Variants in GPC6 observed in about 807,000 individuals in gnomAD.
The protein encoded by GPC6 is glypican 6.
In GPC6, 14 loss-of-function variants were observed where a neutral mutation model predicts 55.2. The observed-to-expected ratio is 0.25, with a 90% confidence interval of 0.17 to 0.40. GPC6 has a LOEUF of 0.40. Among genes scored for constraint, GPC6 ranks in the 10% least tolerant of loss-of-function variants. GPC6 has a pLI of 1.00. For synonymous variants in GPC6, 278 were observed against 259.6 expected (o/e 1.07, Z -0.68); for missense variants, 641 against 708.5 (o/e 0.90, Z 1.08).
At chr13:93,607,283 A>C (rs544776763) in intron 2 of GPC6, among the ~76,000 whole-genome samples, 98 of 152,340 alleles carry the variant, frequency 6.4e-4, no homozygotes, top group African/African-American at 2.3e-3. Flanking sequence ...CTTTGGGAGC[A>C]AAAATAACTG....
intron 4 of GPC6, among the ~76,000 whole-genome samples, chr13:94,142,577 A>G (rs1463534466): frequency 6.6e-6 from 1 of 152,208 alleles, no homozygotes; most frequent in African/African-American, 2.4e-5. Flanking sequence ...AATGGAGAAG[A>G]GAACTTTTTA....
At chr13:94,041,626 C>T (rs1345349236) in intron 4 of GPC6, among the ~76,000 whole-genome samples, 4 of 151,682 alleles carry the variant, frequency 2.6e-5, no homozygotes, top group Admixed American at 6.6e-5. Flanking sequence ...CTTTTCTGGA[C>T]GATCACTTAA....
intron 2 of GPC6, among the ~76,000 whole-genome samples, chr13:93,728,560 C>CTTAT (rs71272211): frequency 0.2 from 30,127 of 149,190 alleles, 3,695 homozygotes; most frequent in Non-Finnish European, 0.27. Context: ...CTTATGTTAT[C>CTTAT]TTATTTATTT....
chr13:94,342,323 G>A (rs1474438633), intron 6 of GPC6, among the ~76,000 whole-genome samples: 1 of 152,162 alleles, frequency 6.6e-6, no homozygotes, highest in Non-Finnish European at 1.5e-5. Context: ...CCAATAGGTC[G>A]CATAGGAATA....
chr13:93,952,867 T>TG (rs1282415067), intron 3 of GPC6, among the ~76,000 whole-genome samples: 11 of 109,116 alleles, frequency 1.0e-4, no homozygotes, highest in East Asian at 3.6e-4. Flanking sequence ...TATATATGTA[T>TG]ATATATACAT....
At chr13:94,396,905 G>A (rs903876990) in intron 7 of GPC6, among the ~76,000 whole-genome samples, 2 of 152,146 alleles carry the variant, frequency 1.3e-5, no homozygotes, top group Non-Finnish European at 2.9e-5. Context: ...TATTAGCTCT[G>A]TGACTTTGCA....
chr13:94,243,402 A>T (rs1211832076), intron 4 of GPC6, among the ~76,000 whole-genome samples: 1 of 152,072 alleles, frequency 6.6e-6, no homozygotes, highest in Non-Finnish European at 1.5e-5. Flanking sequence ...TGCTTCCAGA[A>T]AAAAAATCAC....
At chr13:93,652,264 A>G (rs191599527) in intron 2 of GPC6, among the ~76,000 whole-genome samples, 4 of 152,278 alleles carry the variant, frequency 2.6e-5, no homozygotes, top group Middle Eastern at 3.4e-3. Context: ...TTTTTATAAT[A>G]TTAATTTGGT....
intron 2 of GPC6, among the ~76,000 whole-genome samples, chr13:93,713,245 G>A (rs1883135272): frequency 6.6e-6 from 1 of 151,564 alleles, no homozygotes; most frequent in African/African-American, 2.4e-5. Flanking sequence ...AGTGAGCAAA[G>A]TAGTAAACTC....
At chr13:93,918,260 T>C (rs764527293) in intron 3 of GPC6, among the ~76,000 whole-genome samples, 5 of 152,152 alleles carry the variant, frequency 3.3e-5, no homozygotes, top group African/African-American at 4.8e-5. Context: ...GACTTCAAGA[T>C]TTATTTATCA....
intron 1 of GPC6, among the ~76,000 whole-genome samples, chr13:93,332,261 CT>C (rs202196621): frequency 0.18 from 22,983 of 129,566 alleles, 1,417 homozygotes; most frequent in East Asian, 0.39. Context: ...TTCTGTTTTT[CT>C]TTTTTTTTTT....
intron 4 of GPC6, among the ~76,000 whole-genome samples, chr13:94,273,675 C>T (rs576415540): frequency 1.9e-4 from 29 of 152,254 alleles, no homozygotes; most frequent in African/African-American, 6.5e-4. Context: ...AGAGCAGATA[C>T]GAGGGCTACT....
chr13:94,226,622 A>C (rs531446447), intron 4 of GPC6, among the ~76,000 whole-genome samples: 5 of 152,270 alleles, frequency 3.3e-5, no homozygotes, highest in Admixed American at 3.3e-4. Context: ...CTTGGGTCTA[A>C]AGAAACAAAC....
chr13:93,858,651 G>A (rs1888706740), intron 3 of GPC6, among the ~76,000 whole-genome samples: 1 of 151,656 alleles, frequency 6.6e-6, no homozygotes, highest in African/African-American at 2.4e-5. Flanking sequence ...CCTGTAGCAC[G>A]GAGGAGGGAA....
chr13:93,612,433 A>G (rs1306378089), intron 2 of GPC6, among the ~76,000 whole-genome samples: 1 of 151,422 alleles, frequency 6.6e-6, no homozygotes, highest in Non-Finnish European at 1.5e-5. Flanking sequence ...CGGGAGGCGG[A>G]GCTTGCAGTG....
intron 2 of GPC6, among the ~76,000 whole-genome samples, chr13:93,555,249 A>G (rs890963856): frequency 2.0e-5 from 3 of 151,924 alleles, no homozygotes; most frequent in Non-Finnish European, 4.4e-5. Context: ...CACTTATTTA[A>G]TGTTCTTGTA....
chr13:93,384,961 G>T (rs1318471765), intron 1 of GPC6, among the ~76,000 whole-genome samples: 1 of 152,174 alleles, frequency 6.6e-6, no homozygotes, highest in Non-Finnish European at 1.5e-5. Context: ...AAGCAGATGT[G>T]GTAACTGCCC....
chr13:93,439,825 A>T (rs1020350697), intron 1 of GPC6, among the ~76,000 whole-genome samples: 1 of 152,174 alleles, frequency 6.6e-6, no homozygotes, highest in African/African-American at 2.4e-5. Context: ...TCTTCTACGC[A>T]TCTTGTTTGT....
intron 2 of GPC6, among the ~76,000 whole-genome samples, chr13:93,613,132 G>A (rs1878557853): frequency 6.6e-6 from 1 of 152,132 alleles, no homozygotes; most frequent in Non-Finnish European, 1.5e-5. Context: ...GGCAAGAACA[G>A]AGGTGTACGA....
Sources: gnomAD v4.1 joint callset for allele counts (sites outside exome capture counted in the v4.1 genomes callset) on GRCh38, gnomAD v4.1.1 for gene constraint, MANE v1.5 for transcripts, NCBI Gene and HGNC (gene_info 2026-07-23, HGNC 2026-07-21) for gene names.